Variants in TPD52L1 observed in about 807,000 individuals in gnomAD.
The protein encoded by TPD52L1 is TPD52 like 1, also known as tumor protein D53.
A neutral mutation model predicts 28.7 loss-of-function variants in TPD52L1; 18 were observed. The ratio of observed to expected loss-of-function variants is 0.63; its 90% CI spans 0.43 to 0.93. TPD52L1 has a LOEUF of 0.93. Among genes scored for constraint, TPD52L1 ranks in the 40% least tolerant of loss-of-function variants. TPD52L1 has a pLI of 0.00. For synonymous variants in TPD52L1, 75 were observed against 88.8 expected, an observed-to-expected ratio of 0.84 and a Z score of 0.88; for missense variants, 203 against 254.8, an observed-to-expected ratio of 0.80 and a Z score of 1.39.
At chr6:125,228,415 C>G (rs1313723727) in intron 2 of TPD52L1, among the ~76,000 whole-genome samples, 5 of 152,188 alleles carry the variant, frequency 3.3e-5, no homozygotes. Flanking sequence ...GAAAAATCAA[C>G]ACAAATCACT....
intron 1 of TPD52L1, among the ~76,000 whole-genome samples, chr6:125,190,223 G>A (rs1792941992): frequency 7.2e-5 from 11 of 152,154 alleles, no homozygotes; most frequent in Admixed American, 7.2e-4. Flanking sequence ...TTCTTAGTTT[G>A]TAGGACTGTC....
At chr6:125,205,700 C>G (rs931879665) in intron 1 of TPD52L1, among the ~76,000 whole-genome samples, 4 of 152,186 alleles carry the variant, frequency 2.6e-5, no homozygotes, top group Non-Finnish European at 4.4e-5. Flanking sequence ...CATATACTTT[C>G]TGCTATCTTT....
At chr6:125,198,797 C>G (rs1200651893) in intron 1 of TPD52L1, among the ~76,000 whole-genome samples, 1 of 152,052 alleles carries the variant, frequency 6.6e-6, no homozygotes, top group Admixed American at 6.6e-5. Context: ...CGAGACAGTG[C>G]TGATTGCCAC....
chr6:125,232,554 A>AT (rs1346427229), intron 3 of TPD52L1, among the ~76,000 whole-genome samples: 1 of 152,142 alleles, frequency 6.6e-6, no homozygotes, highest in Non-Finnish European at 1.5e-5. Flanking sequence ...ACTAAAAAAA[A>AT]TTTTTAGCTG....
chr6:125,208,947 A>T (rs1794336569), intron 1 of TPD52L1: 19 of 985,258 alleles, frequency 1.9e-5, no homozygotes, highest in Admixed American at 6.1e-5. Context: ...AAAGCTGTAG[A>T]AGCCTGTGCT....
At chr6:125,241,010 A>G (rs1244042394) in intron 3 of TPD52L1, among the ~76,000 whole-genome samples, 1 of 152,082 alleles carries the variant, frequency 6.6e-6, no homozygotes, top group African/African-American at 2.4e-5. Flanking sequence ...TTCTATGCTG[A>G]TTATGCAGAG....
intron 1 of TPD52L1, among the ~76,000 whole-genome samples, chr6:125,182,210 AT>A (rs1792243855): frequency 6.6e-6 from 1 of 152,204 alleles, no homozygotes; most frequent in Non-Finnish European, 1.5e-5. Context: ...ATACAAACCA[AT>A]TTAAACCAAT....
rs1004741370 is a variant in TPD52L1, at chr6:125,247,246, A to T, written c.285-1036A>T. Among the ~76,000 whole-genome samples the T allele has an allele frequency of 3.9e-5, 6 of 152,190 alleles. No individual in the cohort carries two copies. In the South Asian group the frequency reaches 6.2e-4, roughly 16 times the overall value. ...AACTTACCTGGGAGCAGCATAAATC[A>T]GAAGAAGACAGCATATGCATTTTAA... On this transcript the variant is annotated intron_variant, in intron 3 of 6. Transcript: ENST00000534000.
At chr6:125,165,317 G>A (rs1790821783) in intron 1 of TPD52L1, among the ~76,000 whole-genome samples, 1 of 152,006 alleles carries the variant, frequency 6.6e-6, no homozygotes, top group African/African-American at 2.4e-5. Flanking sequence ...CATTGTTAAT[G>A]TACCAGGGAA....
rs1210778230 is a variant in TPD52L1 at position 125,262,918 on chromosome 6, G to T, written c.571G>T (p.Ala191Ser). Residue 191 changes from alanine (A) to serine (S), a missense_variant, in exon 7 of 7, where the codon GCA becomes TCA. Coordinates refer to ENST00000534000, the MANE Select transcript of TPD52L1 (RefSeq NM_003287.4). ...STAHASAQSLAGGSRRTKEEE... is the reference protein window; with the variant it reads ...STAHASAQSLSGGSRRTKEEE... ...GGCCCATGCCAGTGCCCAGAGCTTG[G>T]CAGGAGGCTCCCGGCGGACCAAGGA... 1 of 1,614,224 alleles carries T rather than the reference G, an allele frequency of 6.2e-7. No homozygotes were observed. The highest frequency in any genetic ancestry group is 2.2e-5 in the East Asian group (1 of 44,878).
intron 1 of TPD52L1, among the ~76,000 whole-genome samples, chr6:125,158,492 G>A (rs1338513596): frequency 1.3e-5 from 2 of 151,882 alleles, no homozygotes; most frequent in African/African-American, 2.4e-5. Context: ...CTTGTTTCAG[G>A]AAGTACATAA....
chr6:125,187,550 C>A (rs758093847), intron 1 of TPD52L1, among the ~76,000 whole-genome samples: 3 of 152,008 alleles, frequency 2.0e-5, no homozygotes, highest in Admixed American at 6.5e-5. Flanking sequence ...TGAATACATG[C>A]GGTATTTGCT....
intron 1 of TPD52L1, chr6:125,214,301 C>T (rs1794712648): frequency 4.8e-6 from 1 of 206,330 alleles, no homozygotes; most frequent in African/African-American, 2.4e-5. Context: ...ACAGAATCTC[C>T]AGCAGATTCT....
chr6:125,195,678 A>G (rs1052232792), intron 1 of TPD52L1, among the ~76,000 whole-genome samples: 6 of 152,214 alleles, frequency 3.9e-5, no homozygotes, highest in African/African-American at 1.4e-4. Context: ...TTTTACCCTT[A>G]GGGCATCTGA....
chr6:125,175,937 A>G (rs541182967), intron 1 of TPD52L1, among the ~76,000 whole-genome samples: 16 of 152,300 alleles, frequency 1.1e-4, no homozygotes, highest in Admixed American at 9.8e-4. Flanking sequence ...CAGCTGAGCC[A>G]TATGTTTTGA....
intron 3 of TPD52L1, among the ~76,000 whole-genome samples, chr6:125,238,303 G>T (rs565920459): frequency 6.6e-6 from 1 of 152,184 alleles, no homozygotes; most frequent in South Asian, 2.1e-4. Flanking sequence ...AACATTTTTA[G>T]TATTTTTAAC....
At chr6:125,210,930 C>G (rs1794449492) in intron 1 of TPD52L1, among the ~76,000 whole-genome samples, 1 of 152,094 alleles carries the variant, frequency 6.6e-6, no homozygotes, top group Admixed American at 6.5e-5. Flanking sequence ...TGGTTTGTTC[C>G]CCAAAGTTAT....
chr6:125,160,624 G>A (rs1373698223), intron 1 of TPD52L1, among the ~76,000 whole-genome samples: 4 of 152,204 alleles, frequency 2.6e-5, no homozygotes, highest in Non-Finnish European at 4.4e-5. Context: ...AAGAGAGTCA[G>A]CCTGTACTTT....
Position 125,153,830 on chromosome 6 carries a change from C to A in TPD52L1, c.-122C>A. On this transcript the variant is annotated 5_prime_UTR_variant, in exon 1 of 7. Coordinates refer to ENST00000534000, the MANE Select transcript of TPD52L1 (RefSeq NM_003287.4). ...AACCCCCTCCGCGCAGCGCTCGCGA[C>A]ACGCGTGCCAGGAGTGGGAGCGAGC... 8.5e-7 allele frequency: 1 copy of A among 1,170,464 alleles called. No individual in the cohort carries two copies. Among genetic ancestry groups the A allele is most frequent in the South Asian group, 1.6e-5 (1 of 62,100 alleles). 72.5% of individuals were successfully genotyped at this position (1,170,464 alleles called of 1,614,324 possible). A position where few individuals can be genotyped will look rare whatever the true frequency, so the allele number is the denominator to read the frequency against.
Sources: allele counts gnomAD v4.1 joint callset (sites outside exome capture counted in the v4.1 genomes callset), GRCh38; gene constraint gnomAD v4.1.1; transcripts MANE v1.5; gene names NCBI Gene and HGNC (gene_info 2026-07-23, HGNC 2026-07-21).